The following ROBO2 variants were observed in gnomAD, a reference collection of about 807,000 sequenced individuals.
ROBO2 encodes roundabout guidance receptor 2, also known as roundabout homolog 2.
In ROBO2, 53 loss-of-function variants were observed where a neutral mutation model predicts 160.8. The ratio of observed to expected loss-of-function variants is 0.33; its 90% CI spans 0.26 to 0.41. The LOEUF (loss-of-function observed/expected upper bound fraction) is 0.41, where lower values mean the gene tolerates loss of function less well. Ranked by LOEUF, ROBO2 falls within the 10% of genes least tolerant of loss-of-function variation. The pLI is 1.00. For missense variants in ROBO2, 1,577 were observed against 1,722.4 expected, an observed-to-expected ratio of 0.92 and a Z score of 1.49; for synonymous variants, 664 against 611.7, an observed-to-expected ratio of 1.09 and a Z score of -1.26.
chr3:76,197,917 A>G (rs1210094024), intron 2 of ROBO2, among the ~76,000 whole-genome samples: 1 of 152,182 alleles, frequency 6.6e-6, no homozygotes, highest in East Asian at 1.9e-4. Context: ...TCCTGGTTTT[A>G]CCTATGATGA....
intron 2 of ROBO2, among the ~76,000 whole-genome samples, chr3:76,824,282 A>G (rs1033402559): frequency 2.6e-5 from 4 of 152,176 alleles, no homozygotes; most frequent in Admixed American, 6.5e-5. Flanking sequence ...TAGACCAGCC[A>G]GGCACGGGCC....
intron 2 of ROBO2, among the ~76,000 whole-genome samples, chr3:76,201,221 C>T (rs1179537923): frequency 2.6e-5 from 4 of 152,120 alleles, no homozygotes; most frequent in Non-Finnish European, 5.9e-5. Context: ...AAAATCCATG[C>T]AGTGAGTTAG....
At chr3:76,552,272 G>T (rs576381045) in intron 2 of ROBO2, among the ~76,000 whole-genome samples, 1 of 152,228 alleles carries the variant, frequency 6.6e-6, no homozygotes. Flanking sequence ...TTTAGTATCT[G>T]TCGGGGGCCC....
At position 76,522,796 on chromosome 3, in the gene ROBO2, A is replaced by G. The variant is rs961825320; in HGVS notation, c.110-575218A>G. ...TTATCAATTGTTTCTCTCTTGCCCT[A>G]AATCTCTGCCTCCAATTTTATCCTG... On this transcript the variant is annotated intron_variant, in intron 2 of 26. Transcript: ENST00000487694. Among the ~76,000 whole-genome samples, 5 of 152,050 alleles carry G rather than the reference A, an allele frequency of 3.3e-5. No individual in the cohort carries two copies. In the East Asian group the frequency reaches 7.7e-4, roughly 24 times the overall value.
At chr3:77,005,046 CAAAA>C (rs146365547) in intron 2 of ROBO2, among the ~76,000 whole-genome samples, 24,113 of 132,674 alleles carry the variant, frequency 0.18, 2,020 homozygotes, top group East Asian at 0.25. Flanking sequence ...AAGCCTAAAA[CAAAA>C]CAGAACAGAA....
At chr3:75,995,515 T>G (rs867005343) in intron 2 of ROBO2, among the ~76,000 whole-genome samples, 2 of 152,062 alleles carry the variant, frequency 1.3e-5, no homozygotes, top group African/African-American at 2.4e-5. Flanking sequence ...TAGGCAGAAG[T>G]CTGCTTGCAG....
intron 2 of ROBO2, among the ~76,000 whole-genome samples, chr3:76,990,169 A>G (rs1337951432): frequency 6.6e-6 from 1 of 152,194 alleles, no homozygotes; most frequent in Non-Finnish European, 1.5e-5. Context: ...TTACAAACTC[A>G]GTGGGATTCA....
At chr3:76,185,885 A>C (rs1341057877) in intron 2 of ROBO2, among the ~76,000 whole-genome samples, 1 of 151,882 alleles carries the variant, frequency 6.6e-6, no homozygotes, top group African/African-American at 2.4e-5. Flanking sequence ...TGGTGAGAAA[A>C]TATTTGACTT....
chr3:76,432,241 G>C (rs1439898716), intron 2 of ROBO2, among the ~76,000 whole-genome samples: 1 of 152,140 alleles, frequency 6.6e-6, no homozygotes, highest in African/African-American at 2.4e-5. Flanking sequence ...GGTCTCAAAA[G>C]TATTTAGAGA....
chr3:76,681,106 T>C (rs1414872279), intron 2 of ROBO2, among the ~76,000 whole-genome samples: 2 of 152,322 alleles, frequency 1.3e-5, no homozygotes, highest in African/African-American at 4.8e-5. Flanking sequence ...ACAGTTATAT[T>C]ATTGTCTAAA....
chr3:76,434,682 G>A (rs1020943351), intron 2 of ROBO2: 7 of 1,142,040 alleles, frequency 6.1e-6, no homozygotes, highest in African/African-American at 6.1e-5. Flanking sequence ...GCTGGATCAG[G>A]TCCTCCTCCC....
At chr3:76,520,558 T>G (rs1181133301) in intron 2 of ROBO2, among the ~76,000 whole-genome samples, 1 of 152,144 alleles carries the variant, frequency 6.6e-6, no homozygotes, top group African/African-American at 2.4e-5. Flanking sequence ...CTGGAAGGGA[T>G]CTTACAAGTT....
At chr3:77,171,619 C>G (rs1442281452) in intron 2 of ROBO2, among the ~76,000 whole-genome samples, 2 of 152,104 alleles carry the variant, frequency 1.3e-5, no homozygotes, top group Non-Finnish European at 2.9e-5. Context: ...TGGCAAAAGT[C>G]CAAATGGACA....
At chr3:76,621,371 T>C (rs780683769) in intron 2 of ROBO2, among the ~76,000 whole-genome samples, 1 of 152,230 alleles carries the variant, frequency 6.6e-6, no homozygotes, top group Admixed American at 6.5e-5. Flanking sequence ...AGTGCATAAC[T>C]GCATTCTGCT....
chr3:76,192,735 T>C (rs920416214), intron 2 of ROBO2, among the ~76,000 whole-genome samples: 3 of 152,132 alleles, frequency 2.0e-5, no homozygotes, highest in Non-Finnish European at 4.4e-5. Flanking sequence ...GTTGGTACCA[T>C]CCTGTCACTA....
At chr3:76,883,250 A>G (rs2073541077) in intron 2 of ROBO2, among the ~76,000 whole-genome samples, 1 of 152,144 alleles carries the variant, frequency 6.6e-6, no homozygotes, top group African/African-American at 2.4e-5. Flanking sequence ...TTAAAAGTCC[A>G]CAGCATAAAA....
intron 2 of ROBO2, among the ~76,000 whole-genome samples, chr3:76,010,098 C>A (rs769056128): frequency 6.6e-6 from 1 of 152,192 alleles, no homozygotes; most frequent in African/African-American, 2.4e-5. Context: ...TTAAAAAATT[C>A]TCCAAGTATG....
intron 2 of ROBO2, among the ~76,000 whole-genome samples, chr3:77,386,359 C>G (rs2074097246): frequency 6.6e-6 from 1 of 151,942 alleles, no homozygotes; most frequent in Non-Finnish European, 1.5e-5. Flanking sequence ...AAAAAGATAC[C>G]AGTGGAACAC....
chr3:77,610,139 A>T (rs12631231), intron 21 of ROBO2, among the ~76,000 whole-genome samples: 8,483 of 152,032 alleles, frequency 0.056, 337 homozygotes, highest in East Asian at 0.2. Flanking sequence ...GGTAAACCAT[A>T]TGATACTGAA....
Sources: allele counts gnomAD v4.1 joint callset (sites outside exome capture counted in the v4.1 genomes callset), GRCh38; gene constraint gnomAD v4.1.1; transcripts MANE v1.5; gene names NCBI Gene and HGNC (gene_info 2026-07-23, HGNC 2026-07-21).